Variants in PRKG2 observed in about 807,000 individuals in gnomAD.
PRKG2 encodes the protein cGMP-dependent protein kinase 2.
Under a neutral mutation model 97.2 loss-of-function variants are expected in PRKG2, and 33 were observed. The ratio of observed to expected loss-of-function variants is 0.34; its 90% CI spans 0.26 to 0.45. The LOEUF (loss-of-function observed/expected upper bound fraction) is 0.45, where lower values mean the gene tolerates loss of function less well. PRKG2 is among the 20% of genes least tolerant of loss of function. The probability of loss-of-function intolerance (pLI) is 1.00; values close to 1 mark genes in which losing one functional copy is unlikely to be tolerated. For missense variants in PRKG2, 638 were observed against 900.0 expected, an observed-to-expected ratio of 0.71 and a Z score of 3.73; for synonymous variants, 330 against 321.8, an observed-to-expected ratio of 1.03 and a Z score of -0.27.
chr4:81,091,764 C>G (rs1427504765), intron 18 of PRKG2, among the ~76,000 whole-genome samples: 1 of 151,340 alleles, frequency 6.6e-6, no homozygotes, highest in Non-Finnish European at 1.5e-5. Flanking sequence ...CTAGATCATT[C>G]CTGAGTCATT....
intron 3 of PRKG2, among the ~76,000 whole-genome samples, chr4:81,173,188 T>G (rs1423954711): frequency 2.6e-5 from 4 of 152,166 alleles, no homozygotes; most frequent in Non-Finnish European, 5.9e-5. Flanking sequence ...GGAATATTTT[T>G]AATTATCAAA....
chr4:81,145,022 G>A (rs918586637), intron 9 of PRKG2, among the ~76,000 whole-genome samples: 12 of 151,978 alleles, frequency 7.9e-5, no homozygotes, highest in African/African-American at 2.9e-4. Context: ...GGACATTTGG[G>A]TTGGTTCCAA....
intron 9 of PRKG2, among the ~76,000 whole-genome samples, chr4:81,148,498 A>G (rs539509436): frequency 1.3e-5 from 2 of 152,318 alleles, no homozygotes; most frequent in East Asian, 3.9e-4. Flanking sequence ...CTTTGAGAGA[A>G]GGTTTTGTTC....
At chr4:81,211,115 T>C (rs1372420539) in intron 1 of PRKG2, among the ~76,000 whole-genome samples, 1 of 152,152 alleles carries the variant, frequency 6.6e-6, no homozygotes, top group East Asian at 1.9e-4. Flanking sequence ...ACTGTAATGA[T>C]ATACACATTT....
At chr4:81,206,943 CA>C (rs1753710303) in intron 1 of PRKG2, among the ~76,000 whole-genome samples, 1 of 152,184 alleles carries the variant, frequency 6.6e-6, no homozygotes, top group African/African-American at 2.4e-5. Context: ...AATTCAGGTT[CA>C]AAGTGGTCAT....
At position 81,088,407 on chromosome 4, in the gene PRKG2, A is replaced by C. The variant is rs1020587984; in HGVS notation, c.*1301T>G. The C allele has an allele frequency of 4.6e-5, 7 of 152,188 alleles. No homozygotes were observed. Among genetic ancestry groups the C allele is most frequent in the Admixed American group, 4.6e-4 (7 of 15,272 alleles). The allele number at this position is 152,188 out of a possible 1,614,324, so 9.4% of individuals were successfully genotyped here. On this transcript the variant is annotated 3_prime_UTR_variant, in exon 19 of 19. Coordinates refer to ENST00000264399, the MANE Select transcript of PRKG2 (RefSeq NM_006259.3). ...AGTATTTTTACTCTGCTAGATTTAA[A>C]AAATACAGAAAAGTCTCTGCTTCTC...
intron 2 of PRKG2, among the ~76,000 whole-genome samples, chr4:81,196,745 C>T (rs1335323228): frequency 1.3e-5 from 2 of 151,662 alleles, no homozygotes; most frequent in East Asian, 3.9e-4. Context: ...TCTGGCCATT[C>T]CTGGCTATAG....
upstream of PRKG2, among the ~76,000 whole-genome samples, chr4:81,216,624 C>A (rs545720496): frequency 3.8e-4 from 58 of 152,224 alleles, no homozygotes; most frequent in African/African-American, 1.4e-3. Flanking sequence ...TTTAGCGCAC[C>A]TATTACCCTA....
intron 3 of PRKG2, among the ~76,000 whole-genome samples, chr4:81,173,432 G>T (rs1750661446): frequency 6.6e-6 from 1 of 152,034 alleles, no homozygotes; most frequent in Non-Finnish European, 1.5e-5. Context: ...CTCCTAGGAG[G>T]TTTCATAAAT....
At chr4:81,108,349 A>G (rs989334877) in intron 15 of PRKG2, among the ~76,000 whole-genome samples, 1 of 152,186 alleles carries the variant, frequency 6.6e-6, no homozygotes, top group Non-Finnish European at 1.5e-5. Flanking sequence ...TTCCCACTCT[A>G]GATAATAAAC....
intron 14 of PRKG2, among the ~76,000 whole-genome samples, chr4:81,114,426 G>A (rs915306882): frequency 6.6e-6 from 1 of 151,990 alleles, no homozygotes; most frequent in Non-Finnish European, 1.5e-5. Flanking sequence ...AGTAAAATTT[G>A]AACCAGGTTC....
intron 14 of PRKG2, among the ~76,000 whole-genome samples, chr4:81,120,602 G>A (rs945573596): frequency 2.6e-5 from 4 of 152,030 alleles, no homozygotes; most frequent in African/African-American, 9.7e-5. Context: ...CTTGTTCATT[G>A]CTAGTATATA....
At chr4:81,113,275 T>C (rs1744162836) in intron 14 of PRKG2, among the ~76,000 whole-genome samples, 1 of 152,124 alleles carries the variant, frequency 6.6e-6, no homozygotes, top group Non-Finnish European at 1.5e-5. Flanking sequence ...TGACATGTTT[T>C]AAAGGGATCA....
At chr4:81,149,360 G>A (rs1389518433) in intron 8 of PRKG2, among the ~76,000 whole-genome samples, 1 of 152,056 alleles carries the variant, frequency 6.6e-6, no homozygotes, top group Non-Finnish European at 1.5e-5. Flanking sequence ...ATTAGCATAA[G>A]ATCAACCAAT....
Position 81,151,975 on chromosome 4 carries a change from T to C in PRKG2, c.1070A>G (p.Glu357Gly). Residue 357 changes from glutamate (E) to glycine (G), a missense_variant, in exon 8 of 19, where the codon GAA becomes GGA. Transcript: ENST00000264399. ...ATGAATTCACCTGATAAGAGCTTTT[T>C]CTCCAAAGTATTCTCCTTTCTGCAG... ...KTLQKGEYFG[E>G]KALISDDVRS... is the part of the protein sequence containing the mutation. 6.2e-7 allele frequency: 1 copy of C among 1,610,986 alleles called. No homozygotes were observed. The highest frequency in any genetic ancestry group is 8.5e-7 in the Non-Finnish European group (1 of 1,177,842).
At chr4:81,108,161 C>A (rs1369514472) in intron 15 of PRKG2, among the ~76,000 whole-genome samples, 2 of 152,046 alleles carry the variant, frequency 1.3e-5, no homozygotes, top group Non-Finnish European at 2.9e-5. Flanking sequence ...GCTGAGACTG[C>A]CTCACTGCAC....
At chr4:81,130,451 G>C (rs539823207) in intron 14 of PRKG2, among the ~76,000 whole-genome samples, 146 of 152,250 alleles carry the variant, frequency 9.6e-4, no homozygotes, top group African/African-American at 3.4e-3. Flanking sequence ...TGTCTCCCCG[G>C]CAGGAGGAAC....
Position 81,092,391 on chromosome 4 carries a change from T to C in PRKG2, c.2188A>G (p.Arg730Gly), listed in dbSNP as rs1460014049. ...KARSLPSPLQRELKGPIDHSY... is the reference protein window; with the variant it reads ...KARSLPSPLQGELKGPIDHSY... ...TAATATAATAAATACAATACCTCTC[T>C]TTGCAAAGGTGATGGAAGGCTCCGT... The change falls in exon 18 of 19, where the codon AGA (arginine) becomes GGA (glycine). Residue 730 changes from arginine (R) to glycine (G), a missense_variant. Arg to Gly is a moderately radical substitution (Grantham distance 125). This residue lies in a region of PRKG2 where 304 missense variants were observed against 460.5 expected (regional missense o/e 0.66). Coordinates refer to ENST00000264399, the MANE Select transcript of PRKG2 (RefSeq NM_006259.3). 1 of 1,571,570 alleles carries C rather than the reference T, an allele frequency of 6.4e-7. No homozygotes were observed. Among genetic ancestry groups the C allele is most frequent in the Non-Finnish European group, 8.7e-7 (1 of 1,149,854 alleles).
chr4:81,208,681 C>G (rs746624777), intron 1 of PRKG2, among the ~76,000 whole-genome samples: 1 of 152,136 alleles, frequency 6.6e-6, no homozygotes, highest in Non-Finnish European at 1.5e-5. Flanking sequence ...CTGCCTCAGC[C>G]TCTCAAATGA....
Sources: allele counts gnomAD v4.1 joint callset (sites outside exome capture counted in the v4.1 genomes callset), GRCh38; gene constraint gnomAD v4.1.1; regional missense constraint gnomAD v4.1.1; transcripts MANE v1.5; gene names NCBI Gene and HGNC (gene_info 2026-07-23, HGNC 2026-07-21).